The following CDC20B variants were observed in gnomAD, a reference collection of about 807,000 sequenced individuals.
The protein encoded by CDC20B is cell division cycle 20B.
In CDC20B, 58 loss-of-function variants were observed where a neutral mutation model predicts 64.1. That is an observed-to-expected ratio of 0.90 (90% CI 0.73 to 1.13). The LOEUF is 1.13. CDC20B is among the 50% of genes most tolerant of loss of function. The probability of loss-of-function intolerance (pLI) is 0.00; values close to 1 mark genes in which losing one functional copy is unlikely to be tolerated. For synonymous variants in CDC20B, 243 were observed against 230.6 expected, an observed-to-expected ratio of 1.05 and a Z score of -0.49; for missense variants, 597 against 633.0, an observed-to-expected ratio of 0.94 and a Z score of 0.61.
chr5:55,123,492 G>A (rs375559947), intron 9 of CDC20B, among the ~76,000 whole-genome samples: 12 of 152,136 alleles, frequency 7.9e-5, no homozygotes, highest in African/African-American at 2.2e-4. Flanking sequence ...GAGGAATCAC[G>A]CACATGTCAA....
Position 55,134,804 on chromosome 5 carries a change from A to AAAAAACT in CDC20B, c.581-1283_581-1277dup, listed in dbSNP as rs1561291049. ...TTACTAAGTGAAAGAAGACAATCTG[A>AAAAAACT]AAAAACTAAATATTGTATGATTCCA... is the stretch of plus-strand genomic sequence containing the variant. On this transcript the variant is annotated intron_variant, in intron 5 of 11. Coordinates refer to ENST00000381375, the MANE Select transcript of CDC20B (RefSeq NM_001170402.1). Among the ~76,000 whole-genome samples, 4 of 152,344 alleles carry AAAAAACT rather than the reference A, an allele frequency of 2.6e-5. No homozygotes were observed. In the South Asian group the frequency reaches 8.3e-4, roughly 32 times the overall value.
At chr5:55,120,619 CTTA>C in intron 9 of CDC20B, 69 bp from the exon 10 acceptor site, 1 of 1,585,356 alleles carries the variant, frequency 6.3e-7, no homozygotes, top group Non-Finnish European at 8.6e-7. Context: ...ATGTGATGCA[CTTA>C]GGTAAGCAGC....
chr5:55,129,259 A>T (rs764535391), intron 6 of CDC20B, among the ~76,000 whole-genome samples: 68 of 152,336 alleles, frequency 4.5e-4, no homozygotes, highest in South Asian at 1.4e-3. Flanking sequence ...CCTACAATAC[A>T]TTCCGTCCCC....
chr5:55,159,094 G>A (rs1178179735), intron 2 of CDC20B, among the ~76,000 whole-genome samples: 9 of 152,080 alleles, frequency 5.9e-5, no homozygotes, highest in Non-Finnish European at 1.3e-4. Context: ...ACGACTCACT[G>A]CAGCCTCAAC....
At chr5:55,156,298 G>T (rs1290627026) in intron 2 of CDC20B, among the ~76,000 whole-genome samples, 1 of 152,094 alleles carries the variant, frequency 6.6e-6, no homozygotes, top group African/African-American at 2.4e-5. Context: ...GATTTGGGTG[G>T]GGACACAGCC....
intron 4 of CDC20B, among the ~76,000 whole-genome samples, chr5:55,141,670 A>G (rs1352425045): frequency 2.6e-5 from 4 of 152,168 alleles, no homozygotes; most frequent in African/African-American, 7.2e-5. Context: ...GACAGACAAC[A>G]TTTTGGTATT....
chr5:55,115,149 C>G (rs1436313377), intron 11 of CDC20B, among the ~76,000 whole-genome samples: 1 of 152,154 alleles, frequency 6.6e-6, no homozygotes, highest in African/African-American at 2.4e-5. Flanking sequence ...AAAAAGCTCT[C>G]CCACAGAGCA....
At chr5:55,172,493 C>T (rs1744633954) in intron 2 of CDC20B, 95 bp downstream of exon 2, 1 of 1,005,052 alleles carries the variant, frequency 9.9e-7, no homozygotes, top group Non-Finnish European at 1.5e-6. Context: ...TATTTTCAGA[C>T]CAGCTCAAAC....
rs1743953078 is a variant in CDC20B, at chr5:55,160,107, G to C, written c.126+12481C>G. 4.2e-6 allele frequency: 4 copies of C among 958,574 alleles called. No individual in the cohort carries two copies. The South Asian group carries it at 5.5e-5, about 13-fold the overall frequency. 59.4% of individuals were successfully genotyped at this position (958,574 alleles called of 1,614,324 possible). ...TGAAAGCAGTCAGCCTGTCCTTCCT[G>C]GTTTTCCGTTAAACTAAGCCGGTTT... is the stretch of plus-strand genomic sequence containing the variant. On this transcript the variant is annotated intron_variant, in intron 2 of 11. Coordinates refer to ENST00000381375, the MANE Select transcript of CDC20B (RefSeq NM_001170402.1).
chr5:55,170,566 C>T (rs764145740), intron 2 of CDC20B: 22 of 534,642 alleles, frequency 4.1e-5, no homozygotes, highest in East Asian at 5.4e-5. Flanking sequence ...GCATGTTAGC[C>T]GATGCCATTC....
chr5:55,118,336 C>T (rs1476815762), intron 11 of CDC20B, among the ~76,000 whole-genome samples: 1 of 152,144 alleles, frequency 6.6e-6, no homozygotes, highest in East Asian at 1.9e-4. Flanking sequence ...AAAGTAACCT[C>T]ATCTCCAACT....
chr5:55,162,889 C>T (rs1744158046), intron 2 of CDC20B, among the ~76,000 whole-genome samples: 1 of 152,086 alleles, frequency 6.6e-6, no homozygotes, highest in Admixed American at 6.5e-5. Flanking sequence ...TCATAGAGCC[C>T]AAAGGTTAAG....
intron 2 of CDC20B, chr5:55,172,301 T>C (rs1744626489): frequency 2.9e-6 from 1 of 342,332 alleles, no homozygotes. Flanking sequence ...CTAGCAACTG[T>C]TAAAATCATT....
Position 55,128,513 on chromosome 5 carries a change from C to CT in CDC20B, c.801dup (p.Asp268ArgfsTer7). On this transcript the variant is annotated frameshift_variant, in exon 7 of 12. Coordinates refer to ENST00000381375, the MANE Select transcript of CDC20B (RefSeq NM_001170402.1). LOFTEE classifies it high-confidence loss of function. ...ATATAGTTACAAGTGAGACTTAAGTCTATGTTTTCAATCCCATTGTGGTTC... is the reference window on the plus strand; with the variant it reads ...ATATAGTTACAAGTGAGACTTAAGTCTTATGTTTTCAATCCCATTGTGGTTC... 6.2e-7 allele frequency: 1 copy of CT among 1,612,204 alleles called. No individual in the cohort carries two copies. Among genetic ancestry groups the CT allele is most frequent in the East Asian group, 2.2e-5 (1 of 44,798 alleles).
chr5:55,169,484 C>G (rs139630234), intron 2 of CDC20B, among the ~76,000 whole-genome samples: 1 of 152,316 alleles, frequency 6.6e-6, no homozygotes, highest in East Asian at 1.9e-4. Context: ...TATGCTACTT[C>G]GTGGGTCAAA....
intron 4 of CDC20B, 88 bp from the exon 5 acceptor site, chr5:55,140,495 G>T: frequency 2.5e-6 from 2 of 798,740 alleles, no homozygotes; most frequent in South Asian, 3.8e-5. Context: ...ATTACAACTG[G>T]TAATTCACTA....
chr5:55,145,412 C>T (rs982778460), intron 3 of CDC20B, among the ~76,000 whole-genome samples: 9 of 152,138 alleles, frequency 5.9e-5, no homozygotes, highest in African/African-American at 2.2e-4. Flanking sequence ...TTAATAAATA[C>T]GCTGATAGTC....
intron 2 of CDC20B, among the ~76,000 whole-genome samples, chr5:55,152,949 A>G (rs908650709): frequency 6.6e-6 from 1 of 152,264 alleles, no homozygotes; most frequent in Admixed American, 6.5e-5. Context: ...TAAGGAGAAC[A>G]ATTCTCAGGG....
At chr5:55,167,813 G>A (rs752485138) in intron 2 of CDC20B, among the ~76,000 whole-genome samples, 31 of 151,928 alleles carry the variant, frequency 2.0e-4, no homozygotes, top group African/African-American at 4.4e-4. Flanking sequence ...GCAGTGAGCC[G>A]ACATGGCTCC....
Sources: allele counts gnomAD v4.1 joint callset (sites outside exome capture counted in the v4.1 genomes callset), GRCh38; gene constraint gnomAD v4.1.1; transcripts MANE v1.5; gene names NCBI Gene and HGNC (gene_info 2026-07-23, HGNC 2026-07-21).